The following CTBP2 variants were observed in gnomAD, a reference collection of about 807,000 sequenced individuals.
The protein encoded by CTBP2 is C-terminal binding protein 2, also known as C-terminal-binding protein 2.
Under a neutral mutation model 80.3 loss-of-function variants are expected in CTBP2, and 30 were observed. The ratio of observed to expected loss-of-function variants is 0.37; its 90% CI spans 0.28 to 0.51. CTBP2 has a LOEUF of 0.51. Ranked by LOEUF, CTBP2 falls within the 20% of genes least tolerant of loss-of-function variation. CTBP2 has a pLI of 0.93. For missense variants in CTBP2, 1,212 were observed against 1,375.3 expected (o/e 0.88, Z 1.88); for synonymous variants, 594 against 587.4 (o/e 1.01, Z -0.16).
Position 125,103,809 on chromosome 10 carries a change from A to T in CTBP2, c.-102+7181T>A, listed in dbSNP as rs1030007552. 7.8e-4 allele frequency among the ~76,000 whole-genome samples: 119 copies of T among 152,162 alleles called. 1 individual carries two copies. The highest frequency in any genetic ancestry group is 2.6e-3 in the African/African-American group (106 of 41,514). ...ACCTGCAGTGTCCGGGAAAGAGGCG[A>T]GCTTCCCCCAGGAAAGGGGGCAAGC... On this transcript the variant is annotated intron_variant, in intron 2 of 10. Coordinates refer to the CTBP2 transcript ENST00000337195.
chr10:124,995,500 T>G (rs1162847527), intron 4 of CTBP2, among the ~76,000 whole-genome samples: 1 of 152,220 alleles, frequency 6.6e-6, no homozygotes, highest in Non-Finnish European at 1.5e-5. Flanking sequence ...AAGGAATCTT[T>G]AAAGCCATGG....
chr10:124,986,705 G>GTTA lies in CTBP2; in HGVS notation c.*2810_*2812dup, dbSNP rs1400571033. 8 of 152,204 alleles carry GTTA rather than the reference G, an allele frequency of 5.3e-5. No homozygotes were observed. The highest frequency in any genetic ancestry group is 1.9e-4 in the African/African-American group (8 of 41,446). The allele number at this position is 152,204 out of a possible 1,614,324, so 9.4% of individuals were successfully genotyped here. Reference sequence around the variant, plus strand: ...ATAAGTAATCAAGTTTGTAGAAAATGTTAGCATTCTGACTACTTAGCATCT... The same window carrying GTTA: ...ATAAGTAATCAAGTTTGTAGAAAATGTTATTAGCATTCTGACTACTTAGCATCT... On this transcript the variant is annotated 3_prime_UTR_variant, in exon 9 of 9. Coordinates refer to ENST00000309035, the MANE Select transcript of CTBP2 (RefSeq NM_022802.3).
chr10:125,062,552 C>T (rs760270535), intron 2 of CTBP2, among the ~76,000 whole-genome samples: 8 of 150,540 alleles, frequency 5.3e-5, no homozygotes, highest in Non-Finnish European at 1.0e-4. Context: ...GGGTTAGGGT[C>T]GCTGCCATCA....
At chr10:125,138,908 T>C (rs1459170830) in intron 1 of CTBP2, among the ~76,000 whole-genome samples, 1 of 152,104 alleles carries the variant, frequency 6.6e-6, no homozygotes, top group African/African-American at 2.4e-5. Context: ...CCCACTGTGG[T>C]TTCCATACAG....
At chr10:125,138,846 C>T (rs370645673) in intron 1 of CTBP2, among the ~76,000 whole-genome samples, 52 of 152,274 alleles carry the variant, frequency 3.4e-4, no homozygotes, top group African/African-American at 1.2e-3. Context: ...TACCTGTGCC[C>T]GTCCGTCTCT....
chr10:125,035,005 T>C (rs1470840012), intron 3 of CTBP2, among the ~76,000 whole-genome samples: 2 of 152,114 alleles, frequency 1.3e-5, no homozygotes, highest in Admixed American at 6.5e-5. Context: ...ATGGATGACC[T>C]TTCTTGGGGG....
intron 1 of CTBP2, among the ~76,000 whole-genome samples, chr10:125,126,527 G>A (rs1025923275): frequency 8.5e-5 from 13 of 152,224 alleles, no homozygotes; most frequent in African/African-American, 2.7e-4. Flanking sequence ...TGAGGATGGG[G>A]ATGGCAAAGG....
intron 2 of CTBP2, among the ~76,000 whole-genome samples, chr10:125,050,977 A>G (rs541338271): frequency 3.9e-4 from 60 of 152,236 alleles, no homozygotes; most frequent in Non-Finnish European, 7.8e-4. Flanking sequence ...CCATGAATAC[A>G]GTCACCTATG....
At chr10:125,003,195 A>C (rs1954769822) in intron 2 of CTBP2, 91 bp from the exon 5 acceptor site, 1 of 1,593,912 alleles carries the variant, frequency 6.3e-7, no homozygotes, top group South Asian at 1.1e-5. Context: ...TCACCCTTGA[A>C]CCTGAGGCAG....
intron 4 of CTBP2, among the ~76,000 whole-genome samples, chr10:124,995,135 C>T (rs1953296264): frequency 6.6e-6 from 1 of 152,220 alleles, no homozygotes; most frequent in African/African-American, 2.4e-5. Flanking sequence ...CCTGCCTCCT[C>T]ATTGCTGGGC....
At position 124,993,742 on chromosome 10, in the gene CTBP2, G is replaced by C. The variant is rs559280687; in HGVS notation, c.2531+113C>G. On this transcript the variant is annotated intron_variant, in intron 6 of 8. Transcript: ENST00000309035. ...ACAGAGACTGTAAATGTCATCTCTG[G>C]AGTTTCCTGCCCAGGGACCTGTTTG... is the stretch of plus-strand genomic sequence containing the variant. The C allele has an allele frequency of 8.6e-6, 11 of 1,281,480 alleles. No individual in the cohort carries two copies. In the African/African-American group the frequency reaches 1.5e-4, roughly 17 times the overall value. The allele number at this position is 1,281,480 out of a possible 1,614,324, so 79.4% of individuals were successfully genotyped here.
At chr10:125,078,874 G>A (rs183555067) in intron 2 of CTBP2, among the ~76,000 whole-genome samples, 6 of 151,812 alleles carry the variant, frequency 4.0e-5, no homozygotes, top group African/African-American at 9.7e-5. Flanking sequence ...ACGGTGGCTC[G>A]TGCTTGTAAT....
At chr10:125,140,534 T>C (rs1857621159) in intron 1 of CTBP2, among the ~76,000 whole-genome samples, 1 of 152,184 alleles carries the variant, frequency 6.6e-6, no homozygotes, top group African/African-American at 2.4e-5. Flanking sequence ...AAGAAAATAA[T>C]ATCAAGGGCC....
intron 8 of CTBP2, among the ~76,000 whole-genome samples, chr10:124,990,726 TG>T (rs1481994503): frequency 5.3e-5 from 8 of 152,200 alleles, no homozygotes; most frequent in Non-Finnish European, 8.8e-5. Context: ...GTAGAGCCCT[TG>T]GGAAGTGACT....
intron 2 of CTBP2, among the ~76,000 whole-genome samples, chr10:125,063,603 T>A (rs1216942674): frequency 1.3e-5 from 2 of 152,224 alleles, no homozygotes; most frequent in Non-Finnish European, 2.9e-5. Flanking sequence ...AATTGCCACA[T>A]AAAATTGCTG....
At chr10:125,145,423 T>C (rs1310504863) in intron 1 of CTBP2, among the ~76,000 whole-genome samples, 1 of 152,164 alleles carries the variant, frequency 6.6e-6, no homozygotes, top group African/African-American at 2.4e-5. Context: ...GGGGACTGAC[T>C]GAGTCACTCG....
intron 1 of CTBP2, among the ~76,000 whole-genome samples, chr10:125,154,943 T>G (rs1436699534): frequency 6.6e-6 from 1 of 152,216 alleles, no homozygotes; most frequent in Non-Finnish European, 1.5e-5. Context: ...AAAACTACTT[T>G]AAAGTCAGGA....
At chr10:125,032,156 A>G (rs1215965017), upstream of CTBP2, among the ~76,000 whole-genome samples, 1 of 152,060 alleles carries the variant, frequency 6.6e-6, no homozygotes, top group Non-Finnish European at 1.5e-5. Flanking sequence ...GACAGGCCTC[A>G]CCTTGGACCA....
At chr10:125,128,681 G>C (rs2136106737) in intron 1 of CTBP2, among the ~76,000 whole-genome samples, 1 of 152,286 alleles carries the variant, frequency 6.6e-6, no homozygotes, top group East Asian at 1.9e-4. Context: ...CGTTCTGTAG[G>C]GTGGTTTAAA....
Sources: allele counts gnomAD v4.1 joint callset (sites outside exome capture counted in the v4.1 genomes callset), GRCh38; gene constraint gnomAD v4.1.1; transcripts MANE v1.5; gene names NCBI Gene and HGNC (gene_info 2026-07-23, HGNC 2026-07-21).